The following SLC52A3 variants were observed in gnomAD, a reference collection of about 807,000 sequenced individuals.
The protein encoded by SLC52A3 is solute carrier family 52 member 3.
A neutral mutation model predicts 29.5 loss-of-function variants in SLC52A3; 20 were observed. The observed-to-expected ratio is 0.68, with a 90% CI of 0.48 to 0.99. The LOEUF (loss-of-function observed/expected upper bound fraction) is 0.99, where lower values mean the gene tolerates loss of function less well. SLC52A3 is among the 50% of genes least tolerant of loss of function. The pLI, the probability that SLC52A3 is intolerant of heterozygous loss-of-function variation, is 0.00. For synonymous variants in SLC52A3, 301 were observed against 271.0 expected, an observed-to-expected ratio of 1.11 and a Z score of -1.09; for missense variants, 548 against 612.9, an observed-to-expected ratio of 0.89 and a Z score of 1.12.
chr20:777,690 C>T (rs1488374763), upstream of SLC52A3, among the ~76,000 whole-genome samples: 3 of 152,190 alleles, frequency 2.0e-5, no homozygotes, highest in Non-Finnish European at 4.4e-5. Flanking sequence ...CAGGCTAATG[C>T]TTGGGGCGAG....
upstream of SLC52A3, among the ~76,000 whole-genome samples, chr20:772,475 A>C (rs1986870874): frequency 6.6e-6 from 1 of 152,218 alleles, no homozygotes; most frequent in African/African-American, 2.4e-5. Flanking sequence ...GGGATGTCTT[A>C]GGCAGAGGGA....
chr20:772,057 G>A (rs1386569308), upstream of SLC52A3, among the ~76,000 whole-genome samples: 4 of 152,264 alleles, frequency 2.6e-5, no homozygotes, highest in East Asian at 5.8e-4. Flanking sequence ...TTTGCCATAT[G>A]AAAAGCTATT....
In SLC52A3 at chr20:761,360, T is replaced by A. The variant is rs1986469610; in HGVS notation, c.1198-122A>T. The A allele has an allele frequency of 8.7e-6, 10 of 1,146,486 alleles. No individual in the cohort carries two copies. In the South Asian group the frequency reaches 1.4e-4, roughly 16 times the overall value. 71.0% of individuals were successfully genotyped at this position (1,146,486 alleles called of 1,614,324 possible). A position where few individuals can be genotyped will look rare whatever the true frequency, so the allele number is the denominator to read the frequency against. On this transcript the variant is annotated intron_variant, in intron 4 of 4. Transcript: ENST00000645534. ...TACTCTCTAGGTGCGAGGAGCGCCT[T>A]CTGGGAGTGAGCCTGCGGGGCCGAC... is the stretch of plus-strand genomic sequence containing the variant.
At position 760,910 on chromosome 20, in the gene SLC52A3, G is replaced by A. The variant is rs904324078; in HGVS notation, c.*116C>T. On this transcript the variant is annotated 3_prime_UTR_variant, in exon 5 of 5. Coordinates refer to ENST00000645534, the MANE Select transcript of SLC52A3 (RefSeq NM_033409.4). This position sits in a 1 kb window ranked among gnomAD's most constrained non-coding sequence, Gnocchi z 4.9. ...CCCACAGTCCCCAGTGGGCACTTGC[G>A]TTCATGATTCAATTACTCAGGCTCT... 7.3e-6 allele frequency: 8 copies of A among 1,096,720 alleles called. No homozygotes were observed. In the Admixed American group the frequency reaches 1.1e-4, roughly 15 times the overall value. The allele number at this position is 1,096,720 out of a possible 1,614,324, so 67.9% of individuals were successfully genotyped here.
upstream of SLC52A3, among the ~76,000 whole-genome samples, chr20:779,146 A>G (rs1987145393): frequency 6.6e-6 from 1 of 152,220 alleles, no homozygotes. Context: ...TTGATATTAA[A>G]GAAAAGAGAA....
chr20:763,346 T>C, intron 3 of SLC52A3, 152 bp downstream of exon 3: 1 of 977,250 alleles, frequency 1.0e-6, no homozygotes, highest in South Asian at 1.4e-5. Context: ...TACACACAGC[T>C]GACAGGTGGC....
chr20:764,582 A>G (rs984234701), intron 2 of SLC52A3, among the ~76,000 whole-genome samples: 6 of 151,498 alleles, frequency 4.0e-5, no homozygotes, highest in Admixed American at 6.6e-5. Context: ...AAGGGCCTTC[A>G]GGACATGCCA....
chr20:773,874 T>C (rs989486123), intron 1 of SLC52A3, among the ~76,000 whole-genome samples: 1 of 152,210 alleles, frequency 6.6e-6, no homozygotes, highest in African/African-American at 2.4e-5. Flanking sequence ...CGTCATTGTG[T>C]GGGCTGGGCC....
chr20:775,788 C>T (rs1306440024), intron 1 of SLC52A3, among the ~76,000 whole-genome samples: 13 of 152,198 alleles, frequency 8.5e-5, no homozygotes, highest in Non-Finnish European at 1.5e-5. Flanking sequence ...TGGACTCTCC[C>T]GACATGGCAG....
chr20:760,998 A>G lies in SLC52A3; in HGVS notation c.*28T>C, dbSNP rs2122504412. 6.3e-7 allele frequency: 1 copy of G among 1,576,812 alleles called. No individual in the cohort carries two copies. On this transcript the variant is annotated 3_prime_UTR_variant, in exon 5 of 5. Coordinates refer to ENST00000645534, the MANE Select transcript of SLC52A3 (RefSeq NM_033409.4). The surrounding 1 kb of genome is among the most constrained non-coding windows in gnomAD (Gnocchi z 4.9). ...TCTCTGGACCCCAGTTCCGTCCGTG[A>G]GCGATGGGGGCGGGGTCGGCGGCCT...
rs772652109 is a variant in SLC52A3 at position 761,802 on chromosome 20, G to T, written c.1096C>A (p.Leu366Ile). 2.8e-5 allele frequency: 45 copies of T among 1,614,086 alleles called. No homozygotes were observed. The highest frequency in any genetic ancestry group is 8.3e-5 in the Admixed American group (5 of 60,014). Residue 366 changes from leucine (L) to isoleucine (I), a missense_variant, in exon 4 of 5, where the codon CTC becomes ATC. This residue lies in a region of SLC52A3 where 173 missense variants were observed against 141.8 expected (regional missense o/e 1.22). Coordinates refer to ENST00000645534, the MANE Select transcript of SLC52A3 (RefSeq NM_033409.4). ...CCAAAGCAGGTCCCAAGCACGGAGAGGACCCCCAGGAACAGCAGAGACCTA... is the reference window on the plus strand; with the variant it reads ...CCAAAGCAGGTCCCAAGCACGGAGATGACCCCCAGGAACAGCAGAGACCTA... The part of the protein sequence containing the change: ...PNRSLLFLGV[L>I]SVLGTCFGGY...
At position 765,936 on chromosome 20, in the gene SLC52A3, G is replaced by A. The variant is rs1281610911; in HGVS notation, c.-51-111C>T. 1 of 661,620 alleles carries A rather than the reference G, an allele frequency of 1.5e-6. No individual in the cohort carries two copies. 41.0% of individuals were successfully genotyped at this position (661,620 alleles called of 1,614,324 possible). On this transcript the variant is annotated intron_variant, in intron 1 of 4. Transcript: ENST00000645534. The surrounding 1 kb of genome is among the most constrained non-coding windows in gnomAD (Gnocchi z 6.6). ...TACTCCCCTTCCTGTGAACAAGCTG[G>A]CTTTTTTTTTTTTCCTTTGAGACAT...
chr20:767,917 T>A (rs1986738229), intron 1 of SLC52A3, among the ~76,000 whole-genome samples: 1 of 152,192 alleles, frequency 6.6e-6, no homozygotes, highest in Non-Finnish European at 1.5e-5. Context: ...ATCCTTAGTC[T>A]GAGCAGTAAT....
In SLC52A3 at chr20:760,094, G is replaced by A. The variant is rs1198787402; in HGVS notation, c.*932C>T. 1 of 152,160 alleles carries A rather than the reference G, an allele frequency of 6.6e-6. No individual in the cohort carries two copies. Among genetic ancestry groups the A allele is most frequent in the Non-Finnish European group, 1.5e-5 (1 of 68,054 alleles). 9.4% of individuals were successfully genotyped at this position (152,160 alleles called of 1,614,324 possible). On this transcript the variant is annotated 3_prime_UTR_variant, in exon 5 of 5. Transcript: ENST00000645534. The surrounding 1 kb of genome is among the most constrained non-coding windows in gnomAD (Gnocchi z 4.9). ...AGATCTGAGTGTAAAAGCAGGGAAT[G>A]CCTTTATTTAAAAAAATGAAAAACA...
chr20:779,840 T>A (rs1294242605), upstream of SLC52A3, among the ~76,000 whole-genome samples: 2 of 152,190 alleles, frequency 1.3e-5, no homozygotes, highest in Non-Finnish European at 2.9e-5. Context: ...AAAGTAAAAG[T>A]TGCTAAAAGT....
chr20:762,746 C>A (rs1050514614), intron 3 of SLC52A3, among the ~76,000 whole-genome samples: 3 of 152,212 alleles, frequency 2.0e-5, no homozygotes, highest in African/African-American at 7.2e-5. Context: ...GGCAAGCTTT[C>A]TGTCAAGCTC....
intron 1 of SLC52A3, among the ~76,000 whole-genome samples, chr20:775,255 G>A (rs1333024583): frequency 6.6e-6 from 1 of 150,506 alleles, no homozygotes; most frequent in Non-Finnish European, 1.5e-5. Context: ...GGTAAAGTCA[G>A]TGGGGGCCCA....
At chr20:762,117 G>A (rs560834731) in intron 3 of SLC52A3, among the ~76,000 whole-genome samples, 67 of 152,292 alleles carry the variant, frequency 4.4e-4, no homozygotes, top group Admixed American at 1.6e-3. Flanking sequence ...GCTGAGACTC[G>A]CCTCTGAGCC....
At chr20:778,937 G>A (rs1051363476), upstream of SLC52A3, among the ~76,000 whole-genome samples, 3 of 152,160 alleles carry the variant, frequency 2.0e-5, no homozygotes, top group Non-Finnish European at 2.9e-5. Context: ...GGCATAGAGG[G>A]TACAAAACTA....
Sources: gnomAD v4.1 joint callset for allele counts (sites outside exome capture counted in the v4.1 genomes callset) on GRCh38, gnomAD v4.1.1 for gene constraint, gnomAD v4.1.1 regional missense constraint, Gnocchi (gnomAD v3.1) non-coding constraint, MANE v1.5 for transcripts, NCBI Gene and HGNC (gene_info 2026-07-23, HGNC 2026-07-21) for gene names.